Variants in LPIN1 observed in about 807,000 individuals in gnomAD.
The protein encoded by LPIN1 is phosphatidate phosphatase LPIN1.
Under a neutral mutation model 107.5 loss-of-function variants are expected in LPIN1, and 71 were observed. The observed-to-expected ratio is 0.66, with a 90% CI of 0.55 to 0.80. The LOEUF is 0.80. Ranked by LOEUF, LPIN1 falls within the 30% of genes least tolerant of loss-of-function variation. The pLI is 0.00. For synonymous variants in LPIN1, 445 were observed against 452.6 expected (o/e 0.98, Z 0.21); for missense variants, 1,043 against 1,160.6 (o/e 0.90, Z 1.47).
chr2:11,698,430 C>T (rs772886265), intron 1 of LPIN1, among the ~76,000 whole-genome samples: 1 of 152,222 alleles, frequency 6.6e-6, no homozygotes, highest in Non-Finnish European at 1.5e-5. Flanking sequence ...GTAGGAACAG[C>T]ACACAGTAGC....
chr2:11,815,151 C>A lies in LPIN1; in HGVS notation c.2313C>A (p.Gly771=). Residue 771 remains glycine (G), a synonymous_variant, in exon 18 of 21, where the codon GGC becomes GGA. Transcript: ENST00000674199. The stretch of plus-strand genomic sequence containing the variant: ...TCGGGATGGCGGACATGACGCGGGG[C>A]TACCTGCACTGGGTCAACGAGAGGG... ...RAIGMADMTR[G]YLHWVNERGT... 1 of 1,614,202 alleles carries A rather than the reference C, an allele frequency of 6.2e-7. No homozygotes were observed. Among genetic ancestry groups the A allele is most frequent in the Non-Finnish European group, 8.5e-7 (1 of 1,180,020 alleles).
upstream of LPIN1, chr2:11,677,579 G>C (rs74422146): frequency 8.5e-7 from 1 of 1,172,938 alleles, no homozygotes; most frequent in Non-Finnish European, 1.2e-6. Flanking sequence ...CTTCTGAGCC[G>C]GTGTTGCCGG....
chr2:11,802,770 C>T, intron 14 of LPIN1, 137 bp from the exon 15 acceptor site: 5 of 958,596 alleles, frequency 5.2e-6, no homozygotes, highest in Non-Finnish European at 8.3e-6. Context: ...AATTTAACGT[C>T]TTATGGTAAA....
At chr2:11,773,802 A>G in intron 5 of LPIN1, 57 bp downstream of exon 5, 1 of 1,569,866 alleles carries the variant, frequency 6.4e-7, no homozygotes, top group Non-Finnish European at 8.7e-7. Flanking sequence ...CAGTGATAGG[A>G]AGCAATTCTA....
chr2:11,742,635 A>G (rs893346), upstream of LPIN1, among the ~76,000 whole-genome samples: 32,946 of 152,130 alleles, frequency 0.22, 7,714 homozygotes, highest in African/African-American at 0.59. Context: ...CTCTCCTCCC[A>G]TCCCTGGTCA....
chr2:11,689,404 C>T (rs1291863560), intron 1 of LPIN1, among the ~76,000 whole-genome samples: 7 of 152,184 alleles, frequency 4.6e-5, no homozygotes, highest in South Asian at 4.1e-4. Context: ...TTAGACCTGA[C>T]GAGGTCCTTT....
chr2:11,817,472 T>C lies in LPIN1; in HGVS notation c.2403-2012T>C, dbSNP rs558669304. The C allele has an allele frequency of 2.3e-4, 35 of 152,374 alleles. 1 individual carries two copies. Among genetic ancestry groups the C allele is most frequent in the African/African-American group, 7.2e-4 (30 of 41,594 alleles). The allele number at this position is 152,374 out of a possible 1,614,324, so 9.4% of individuals were successfully genotyped here. A position where few individuals can be genotyped will look rare whatever the true frequency, so the allele number is the denominator to read the frequency against. The stretch of plus-strand genomic sequence containing the variant: ...TATTACCAAAGTCTTCTCTGACCTG[T>C]GGGCATGAAGACAGTCCTCCTGGAT... On this transcript the variant is annotated intron_variant, in intron 18 of 20. Transcript: ENST00000674199.
intron 17 of LPIN1, among the ~76,000 whole-genome samples, chr2:11,810,459 T>A (rs902005311): frequency 2.6e-5 from 4 of 151,076 alleles, no homozygotes; most frequent in African/African-American, 9.8e-5. Context: ...GACGGTGGGG[T>A]GGGTAAAAGA....
Position 11,815,128 on chromosome 2 carries a change from G to A in LPIN1, c.2290G>A (p.Gly764Arg). Residue 764 changes from glycine (G) to arginine (R), a missense_variant, in exon 18 of 21, where the codon GGG becomes AGG. By Grantham distance (125) the Gly-to-Arg change is moderately radical. Coordinates refer to ENST00000674199, the MANE Select transcript of LPIN1 (RefSeq NM_001349206.2). ...TCTCTACTGTTCTGCCCGTGCCATC[G>A]GGATGGCGGACATGACGCGGGGCTA... ...KFLYCSARAIGMADMTRGYLH... is the reference protein window; with the variant it reads ...KFLYCSARAIRMADMTRGYLH... 5 of 1,614,094 alleles carry A rather than the reference G, an allele frequency of 3.1e-6. No homozygotes were observed. The highest frequency in any genetic ancestry group is 2.2e-5 in the South Asian group (2 of 91,066).
chr2:11,696,793 C>T (rs1254091282), intron 1 of LPIN1, among the ~76,000 whole-genome samples: 1 of 152,248 alleles, frequency 6.6e-6, no homozygotes, highest in Non-Finnish European at 1.5e-5. Context: ...CGAGGGAGCT[C>T]CTTCCTGCTG....
At chr2:11,731,424 A>G (rs1342632302) in intron 1 of LPIN1, among the ~76,000 whole-genome samples, 1 of 152,208 alleles carries the variant, frequency 6.6e-6, no homozygotes, top group African/African-American at 2.4e-5. Context: ...TCATGGCTGC[A>G]TAGTATTCCA....
intron 17 of LPIN1, among the ~76,000 whole-genome samples, chr2:11,807,306 G>A (rs58037024): frequency 0.018 from 2,816 of 152,252 alleles, 102 homozygotes; most frequent in African/African-American, 0.065. Context: ...GCCTCACCAC[G>A]GGCTGACCTT....
chr2:11,792,439 G>A (rs1675927980), intron 13 of LPIN1: 1 of 220,318 alleles, frequency 4.5e-6, no homozygotes, highest in Non-Finnish European at 9.2e-6. Flanking sequence ...CTGGAGTGCA[G>A]TGGTGCAATC....
At chr2:11,789,528 ACATGTGTGCGTG>A (rs548691610) in intron 12 of LPIN1, among the ~76,000 whole-genome samples, 1,625 of 148,698 alleles carry the variant, frequency 0.011, 14 homozygotes, top group Non-Finnish European at 0.016. Flanking sequence ...GTGGATGTGC[ACATGTGTGCGTG>A]CATGTGTGGA....
chr2:11,741,073 G>A, intron 1 of LPIN1: 1 of 279,124 alleles, frequency 3.6e-6, no homozygotes, highest in Non-Finnish European at 6.6e-6. Context: ...AAGCCACGGA[G>A]AAGACAGGCT....
chr2:11,744,856 G>A (rs1439112014), upstream of LPIN1, among the ~76,000 whole-genome samples: 1 of 152,180 alleles, frequency 6.6e-6, no homozygotes, highest in African/African-American at 2.4e-5. Flanking sequence ...AACCCCTGTG[G>A]AGGTAGCTCA....
At chr2:11,701,687 A>G (rs1354730255) in intron 1 of LPIN1, among the ~76,000 whole-genome samples, 3 of 152,226 alleles carry the variant, frequency 2.0e-5, no homozygotes, top group Non-Finnish European at 4.4e-5. Context: ...ATCTCCATTC[A>G]TGAAAAATGT....
intron 1 of LPIN1, among the ~76,000 whole-genome samples, chr2:11,695,129 T>A (rs1572331791): frequency 6.6e-6 from 1 of 152,236 alleles, no homozygotes; most frequent in Non-Finnish European, 1.5e-5. Flanking sequence ...CTTGGAGTAC[T>A]TTGGTGAACA....
At chr2:11,775,622 G>A (rs928594343) in intron 5 of LPIN1, among the ~76,000 whole-genome samples, 1 of 152,062 alleles carries the variant, frequency 6.6e-6, no homozygotes, top group Non-Finnish European at 1.5e-5. Flanking sequence ...GATTAAGCAC[G>A]AAAGTGTGAC....
Sources: allele counts gnomAD v4.1 joint callset (sites outside exome capture counted in the v4.1 genomes callset), GRCh38; gene constraint gnomAD v4.1.1; transcripts MANE v1.5; gene names NCBI Gene and HGNC (gene_info 2026-07-23, HGNC 2026-07-21).